The following CTSB variants were observed in gnomAD, a reference collection of about 807,000 sequenced individuals.
The protein encoded by CTSB is cathepsin B, also known as APP secretase.
In CTSB, 57 loss-of-function variants were observed where a neutral mutation model predicts 44.3. That is an observed-to-expected ratio of 1.29 (90% CI 1.04 to 1.60). The LOEUF is 1.60. Among genes scored for constraint, CTSB ranks in the 40% most tolerant of loss-of-function variants. The pLI is 0.00. For missense variants in CTSB, 768 were observed against 443.0 expected, an observed-to-expected ratio of 1.73 and a Z score of -6.59; for synonymous variants, 320 against 168.0, an observed-to-expected ratio of 1.91 and a Z score of -7.00.
intron 8 of CTSB, chr8:11,846,027 G>A (rs1270053331): frequency 2.8e-6 from 1 of 358,740 alleles, no homozygotes; most frequent in Admixed American, 4.8e-5. Context: ...TACAAAATGT[G>A]CTTGTTGGCT....
chr8:11,854,537 C>T (rs1815193097), intron 1 of CTSB: 1 of 151,282 alleles, frequency 6.6e-6, no homozygotes, highest in African/African-American at 2.4e-5. Context: ...GGCCATGTCA[C>T]CCAGTCTGGG....
At chr8:11,864,306 G>C (rs1462191558) in intron 1 of CTSB, 2 of 105,848 alleles carry the variant, frequency 1.9e-5, no homozygotes, top group African/African-American at 3.7e-5. Flanking sequence ...GTGAGACCCT[G>C]TCTCTACCAA....
chr8:11,857,591 A>T (rs9644756), intron 1 of CTSB, among the ~76,000 whole-genome samples: 47,175 of 152,096 alleles, frequency 0.31, 8,256 homozygotes, highest in East Asian at 0.46. Flanking sequence ...CTGAGAACAC[A>T]GGCAGCTGCC....
chr8:11,864,318 GAAAAAAAAAA>G (rs35885912), intron 1 of CTSB: 2 of 45,570 alleles, frequency 4.4e-5, no homozygotes, highest in Non-Finnish European at 7.1e-5. Context: ...CTCTACCAAC[GAAAAAAAAAA>G]AAAAAAAAAA....
intron 1 of CTSB, among the ~76,000 whole-genome samples, chr8:11,859,356 G>A (rs1050389642): frequency 6.6e-6 from 1 of 152,148 alleles, no homozygotes. Context: ...TTGCGATCCT[G>A]GAAGGAGGTG....
chr8:11,853,684 A>G, intron 1 of CTSB: 1 of 499,616 alleles, frequency 2.0e-6, no homozygotes, highest in Non-Finnish European at 3.5e-6. Context: ...CCCGGGGGCC[A>G]GGCGGCCAGA....
intron 7 of CTSB, 66 bp downstream of exon 7, chr8:11,847,613 C>T (rs566622705): frequency 1.2e-5 from 18 of 1,481,982 alleles, no homozygotes; most frequent in South Asian, 8.5e-5. Context: ...TTCGCTGCAG[C>T]GTGAGGAGGG....
chr8:11,860,721 G>A lies in CTSB; in HGVS notation c.-25-7242C>T, dbSNP rs141930139. ...ACTGTGCCTTATAGGCCAGCAGAGC[G>A]GCTAAGAGCACGGGAACAGTGGAAA... On this transcript the variant is annotated intron_variant, in intron 1 of 9. Coordinates refer to ENST00000353047, the MANE Select transcript of CTSB (RefSeq NM_001908.5). 1.8e-4 allele frequency among the ~76,000 whole-genome samples: 28 copies of A among 152,322 alleles called. No individual in the cohort carries two copies. In the East Asian group the frequency reaches 2.1e-3, roughly 12 times the overall value.
chr8:11,853,187 T>A (rs1814913430), intron 2 of CTSB, 142 bp downstream of exon 2: 5 of 1,143,412 alleles, frequency 4.4e-6, no homozygotes, highest in Admixed American at 2.2e-5. Context: ...AGAGCCGACA[T>A]GACTCAGGGT....
At chr8:11,848,743 AG>A (rs1813945739) in intron 5 of CTSB, 1 of 316,800 alleles carries the variant, frequency 3.2e-6, no homozygotes. Flanking sequence ...TTCCCCAAGC[AG>A]GAAAAAGGAA....
At position 11,845,144 on chromosome 8, in the gene CTSB, T is replaced by G. The variant is rs117613666; in HGVS notation, c.1001A>C (p.Gln334Pro). 1.7e-3 allele frequency: 2,667 copies of G among 1,613,564 alleles called. 39 individuals are homozygous for G. In the East Asian group the frequency reaches 0.032, roughly 19 times the overall value. The change falls in exon 10 of 10, where the codon CAG (glutamine) becomes CCG (proline). Residue 334 changes from glutamine to proline, a missense_variant. Transcript: ENST00000353047. ...GGCAGATTAGATCTTTTCCCAGTACTGATCGGTGCGTGGAATTCCAGCCAC... is the reference window on the plus strand; with the variant it reads ...GGCAGATTAGATCTTTTCCCAGTACGGATCGGTGCGTGGAATTCCAGCCAC... ...EVVAGIPRTD[Q>P]YWEKI is the part of the protein sequence containing the mutation.
chr8:11,858,080 AGT>A (rs1373320242), intron 1 of CTSB: 1 of 152,244 alleles, frequency 6.6e-6, no homozygotes, highest in African/African-American at 2.4e-5. Flanking sequence ...AAATGGAGCT[AGT>A]AACCATCGTG....
chr8:11,853,216 G>T, intron 2 of CTSB, 113 bp downstream of exon 2: 1 of 1,464,036 alleles, frequency 6.8e-7, no homozygotes, highest in Non-Finnish European at 9.3e-7. Context: ...TTTTTCAACA[G>T]TCCAGGACAA....
At chr8:11,867,454 C>G (rs751370856) in intron 1 of CTSB, 3 of 152,312 alleles carry the variant, frequency 2.0e-5, no homozygotes, top group Non-Finnish European at 2.9e-5. Flanking sequence ...GATTCCTGTT[C>G]TTCAACAGGA....
Position 11,844,115 on chromosome 8 carries a change from G to C in CTSB, c.*1010C>G, listed in dbSNP as rs1812776879. 6.6e-6 allele frequency: 1 copy of C among 152,286 alleles called. No individual in the cohort carries two copies. The highest frequency in any genetic ancestry group is 1.9e-4 in the East Asian group (1 of 5,206). The allele number at this position is 152,286 out of a possible 1,614,324, so 9.4% of individuals were successfully genotyped here. A position where few individuals can be genotyped will look rare whatever the true frequency, so the allele number is the denominator to read the frequency against. Reference sequence around the variant, plus strand: ...AAGCTTACCAGGCACTTACAGAGAAGGTTGACGAGGATGACAGGGAACTAA... The same window carrying C: ...AAGCTTACCAGGCACTTACAGAGAACGTTGACGAGGATGACAGGGAACTAA... On this transcript the variant is annotated 3_prime_UTR_variant, in exon 10 of 10. Coordinates refer to ENST00000353047, the MANE Select transcript of CTSB (RefSeq NM_001908.5).
Position 11,847,708 on chromosome 8 carries a change from C to T in CTSB, c.647G>A (p.Ser216Asn), listed in dbSNP as rs550637319. Reference protein sequence around the residue: ...KCSKICEPGYSPTYKQDKHYG... With the variant: ...KCSKICEPGYNPTYKQDKHYG... ...GTGCTTGTCCTGTTTGTAGGTCGGG[C>T]TGTAGCCAGGCTCACAGATCTTGCT... Residue 216 changes from serine (S) to asparagine (N), a missense_variant, in exon 7 of 10, where the codon AGC (serine) becomes AAC (asparagine). Coordinates refer to ENST00000353047, the MANE Select transcript of CTSB (RefSeq NM_001908.5). 2.5e-6 allele frequency: 4 copies of T among 1,587,152 alleles called. No homozygotes were observed. Among genetic ancestry groups the T allele is most frequent in the South Asian group, 2.3e-5 (2 of 87,190 alleles).
At position 11,849,068 on chromosome 8, in the gene CTSB, A is replaced by G. The variant is rs1490867813; in HGVS notation, c.424T>C (p.Cys142Arg). 1 of 1,613,278 alleles carries G rather than the reference A, an allele frequency of 6.2e-7. No homozygotes were observed. ...CACCCGTCCCCACACATGCTGCCAC[A>G]GCATGTGAGCAGGTCCTCCGCCGAC... ...EVSAEDLLTC[C>R]GSMCGDGCNG... Residue 142 changes from cysteine (C) to arginine (R), a missense_variant, in exon 5 of 10, where the codon TGT (cysteine) becomes CGT (arginine). Physicochemically the swap from Cys to Arg is radical, Grantham distance 180 (BLOSUM62 -3). Transcript: ENST00000353047.
rs1812471515 is a variant in CTSB, at chr8:11,842,725, C to G, written c.*2400G>C. ...GATCTCGGCTCACTGCATCCTCTGCCTCCCAGGTTCAAGCGATTCTCGTAC... is the reference window on the plus strand; with the variant it reads ...GATCTCGGCTCACTGCATCCTCTGCGTCCCAGGTTCAAGCGATTCTCGTAC... On this transcript the variant is annotated 3_prime_UTR_variant, in exon 10 of 10. Coordinates refer to ENST00000353047, the MANE Select transcript of CTSB (RefSeq NM_001908.5). The G allele has an allele frequency of 1.3e-5, 2 of 152,062 alleles. No individual in the cohort carries two copies. The highest frequency in any genetic ancestry group is 1.3e-4 in the Admixed American group (2 of 15,252). The allele number at this position is 152,062 out of a possible 1,614,324, so 9.4% of individuals were successfully genotyped here.
intron 1 of CTSB, among the ~76,000 whole-genome samples, chr8:11,858,469 T>C (rs914576481): frequency 6.6e-6 from 1 of 152,018 alleles, no homozygotes; most frequent in African/African-American, 2.4e-5. Context: ...TTTGTATTTT[T>C]TGTAGAGATG....
Sources: allele counts gnomAD v4.1 joint callset (sites outside exome capture counted in the v4.1 genomes callset), GRCh38; gene constraint gnomAD v4.1.1; transcripts MANE v1.5; gene names NCBI Gene and HGNC (gene_info 2026-07-23, HGNC 2026-07-21).